CD164: variants seen among roughly 807,000 people sequenced by gnomAD.
The protein encoded by CD164 is CD164 molecule.
Under a neutral mutation model 24.6 loss-of-function variants are expected in CD164, and 11 were observed. That is an observed-to-expected ratio of 0.45 (90% CI 0.28 to 0.74). CD164 has a LOEUF of 0.74. Ranked by LOEUF, CD164 falls within the 30% of genes least tolerant of loss-of-function variation. CD164 has a pLI of 0.13. For synonymous variants in CD164, 126 were observed against 100.3 expected (o/e 1.26, Z -1.53); for missense variants, 295 against 243.7 (o/e 1.21, Z -1.40).
chr6:109,371,125 G>A (rs542497288), intron 4 of CD164: 3 of 152,442 alleles, frequency 2.0e-5, no homozygotes, highest in Admixed American at 2.0e-4. Flanking sequence ...TACTATTTGA[G>A]TTGCCATTAC....
chr6:109,380,990 T>C (rs3799839), intron 1 of CD164, among the ~76,000 whole-genome samples: 46,748 of 152,128 alleles, frequency 0.31, 7,372 homozygotes, highest in Middle Eastern at 0.42. Context: ...TACTATATAC[T>C]TTATTAAACT....
At chr6:109,375,000 C>T (rs751141782) in intron 4 of CD164, among the ~76,000 whole-genome samples, 5 of 152,172 alleles carry the variant, frequency 3.3e-5, no homozygotes, top group Non-Finnish European at 4.4e-5. Context: ...TTGGAATAGA[C>T]GCATTTAATA....
chr6:109,374,984 C>T (rs1334412526), intron 4 of CD164, among the ~76,000 whole-genome samples: 4 of 152,210 alleles, frequency 2.6e-5, no homozygotes, highest in African/African-American at 9.7e-5. Context: ...TACCCTAGTA[C>T]TTGTCTTGGA....
intron 4 of CD164, among the ~76,000 whole-genome samples, chr6:109,375,639 A>AAAAAGAAATAC (rs941053720): frequency 6.6e-6 from 1 of 151,090 alleles, no homozygotes; most frequent in African/African-American, 2.4e-5. Context: ...AAGAAAAGAA[A>AAAAAGAAATAC]AAAAGAAATA....
intron 5 of CD164, among the ~76,000 whole-genome samples, chr6:109,369,917 G>C (rs1407342208): frequency 6.6e-6 from 1 of 152,178 alleles, no homozygotes; most frequent in Non-Finnish European, 1.5e-5. Flanking sequence ...ATTAGATTAT[G>C]TCAAATCATC....
In CD164 at chr6:109,366,986, A is replaced by T. The variant is rs926825888; in HGVS notation, c.*1865T>A. On this transcript the variant is annotated 3_prime_UTR_variant, in exon 6 of 6. Coordinates refer to ENST00000310786, the MANE Select transcript of CD164 (RefSeq NM_006016.6). The stretch of plus-strand genomic sequence containing the variant: ...ATTCATACCCAGGTAAATGACAATT[A>T]CATCAGTATAGCTAATTTTTGCCAC... 6.6e-6 allele frequency: 1 copy of T among 152,320 alleles called. No individual in the cohort carries two copies. Among genetic ancestry groups the T allele is most frequent in the African/African-American group, 2.4e-5 (1 of 41,470 alleles). The allele number at this position is 152,320 out of a possible 1,614,324, so 9.4% of individuals were successfully genotyped here. A position where few individuals can be genotyped will look rare whatever the true frequency, so the allele number is the denominator to read the frequency against.
At chr6:109,381,379 GCTAT>G (rs1771730327) in intron 1 of CD164, 2 of 632,540 alleles carry the variant, frequency 3.2e-6, no homozygotes, top group East Asian at 2.7e-5. Flanking sequence ...CTAAACATAC[GCTAT>G]CTGAGCACAG....
At chr6:109,380,236 T>C (rs1771661649) in intron 1 of CD164, 1 of 152,312 alleles carries the variant, frequency 6.6e-6, no homozygotes, top group Non-Finnish European at 1.5e-5. Context: ...AAAGCCCATA[T>C]TCAAGTGCAT....
intron 2 of CD164, among the ~76,000 whole-genome samples, chr6:109,378,844 T>A (rs1771570863): frequency 6.6e-6 from 1 of 151,732 alleles, no homozygotes; most frequent in South Asian, 2.1e-4. Context: ...TCTAGAACTA[T>A]TAAAATTTTT....
At chr6:109,376,263 GC>G in intron 3 of CD164, 151 bp from the exon 4 acceptor site, 1 of 528,528 alleles carries the variant, frequency 1.9e-6, no homozygotes, top group Non-Finnish European at 3.2e-6. Context: ...ACTGACAGTT[GC>G]CCCCAAATAC....
intron 4 of CD164, among the ~76,000 whole-genome samples, chr6:109,374,611 A>C (rs193183855): frequency 6.6e-6 from 1 of 152,198 alleles, no homozygotes. Context: ...TATGACCTAT[A>C]AACTTTAAAA....
chr6:109,369,505 C>T (rs759741331), intron 5 of CD164, among the ~76,000 whole-genome samples: 1 of 151,808 alleles, frequency 6.6e-6, no homozygotes, highest in Non-Finnish European at 1.5e-5. Context: ...TTTTTAAAGG[C>T]ATATCCTGCC....
chr6:109,376,313 A>G (rs1222012367), intron 3 of CD164, among the ~76,000 whole-genome samples: 1 of 152,154 alleles, frequency 6.6e-6, no homozygotes, highest in Non-Finnish European at 1.5e-5. Flanking sequence ...AATTTTTATC[A>G]ACACCTCCCT....
rs372105712 is a variant in CD164 at position 109,373,255 on chromosome 6, T to C, written c.371-2788A>G. Among the ~76,000 whole-genome samples, 6 of 152,370 alleles carry C rather than the reference T, an allele frequency of 3.9e-5. No homozygotes were observed. In the East Asian group the frequency reaches 1.2e-3, roughly 29 times the overall value. On this transcript the variant is annotated intron_variant, in intron 4 of 5. Transcript: ENST00000310786. ...CACTTCATATGAACATTTTCCACTGTATCTGACATATTTTGGCTATTCTAT... is the reference window on the plus strand; with the variant it reads ...CACTTCATATGAACATTTTCCACTGCATCTGACATATTTTGGCTATTCTAT...
Position 109,367,877 on chromosome 6 carries a change from T to A in CD164, c.*974A>T, listed in dbSNP as rs1050612553. On this transcript the variant is annotated 3_prime_UTR_variant, in exon 6 of 6. Transcript: ENST00000310786. ...CAGTCTGGTGGAAATCCTTTCAAGGTACAATAGTGCTAGCATACTTTTTTT... is the reference window on the plus strand; with the variant it reads ...CAGTCTGGTGGAAATCCTTTCAAGGAACAATAGTGCTAGCATACTTTTTTT... The A allele has an allele frequency of 6.4e-6, 1 of 155,808 alleles. No individual in the cohort carries two copies. Among genetic ancestry groups the A allele is most frequent in the Non-Finnish European group, 1.4e-5 (1 of 70,304 alleles). The allele number at this position is 155,808 out of a possible 1,614,324, so 9.7% of individuals were successfully genotyped here.
chr6:109,377,787 A>C (rs1771497901), intron 3 of CD164, 113 bp downstream of exon 3: 1 of 757,654 alleles, frequency 1.3e-6, no homozygotes, highest in Admixed American at 1.9e-5. Context: ...AATTCTAACA[A>C]GATGAGAATT....
rs2115172522 is a variant in CD164 at position 109,380,843 on chromosome 6, G to A, written c.176-1181C>T. 2.0e-5 allele frequency among the ~76,000 whole-genome samples: 3 copies of A among 152,288 alleles called. No homozygotes were observed. The Middle Eastern group carries it at 0.01, about 518-fold the overall frequency. On this transcript the variant is annotated intron_variant, in intron 1 of 5. Coordinates refer to ENST00000310786, the MANE Select transcript of CD164 (RefSeq NM_006016.6). Reference sequence around the variant, plus strand: ...TTCTGAAAGGAAACTGTCAAATTAAGACTGAGACAAACATATTCTGCTCTA... The same window carrying A: ...TTCTGAAAGGAAACTGTCAAATTAAAACTGAGACAAACATATTCTGCTCTA...
In CD164 at chr6:109,382,238, C is replaced by A. The variant is rs765776794; in HGVS notation, c.141G>T (p.Val47=). 10 of 1,583,544 alleles carry A rather than the reference C, an allele frequency of 6.3e-6. No homozygotes were observed. In the East Asian group the frequency reaches 2.1e-4, roughly 33 times the overall value. Residue 47 remains valine, a synonymous_variant, in exon 1 of 6, where the codon GTG becomes GTT. Transcript: ENST00000310786. ...GAGTGGTGACCAGCGGGAGGGACGTCACCGGCGCCGAGGTTACGTTGGAGA... is the reference window on the plus strand; with the variant it reads ...GAGTGGTGACCAGCGGGAGGGACGTAACCGGCGCCGAGGTTACGTTGGAGA... The part of the protein sequence containing the change: ...APISNVTSAP[V]TSLPLVTTPA...
chr6:109,373,113 C>CA (rs3839564), intron 4 of CD164, among the ~76,000 whole-genome samples: 1,555 of 151,260 alleles, frequency 0.01, 29 homozygotes, highest in East Asian at 0.06. Flanking sequence ...TAGAAAATGC[C>CA]AAAAAAAATA....
Sources: allele counts gnomAD v4.1 joint callset (sites outside exome capture counted in the v4.1 genomes callset), GRCh38; gene constraint gnomAD v4.1.1; transcripts MANE v1.5; gene names NCBI Gene and HGNC (gene_info 2026-07-23, HGNC 2026-07-21).